Variants in TMEM132B observed in about 807,000 individuals in gnomAD.
The protein encoded by TMEM132B is transmembrane protein 132B.
TMEM132B carries 18 observed loss-of-function variants against 90.8 expected under a neutral mutation model. The observed-to-expected ratio is 0.20, with a 90% CI of 0.14 to 0.29. The LOEUF is 0.29. Ranked by LOEUF, TMEM132B falls within the 10% of genes least tolerant of loss-of-function variation. The pLI, the probability that TMEM132B is intolerant of heterozygous loss-of-function variation, is 1.00. For synonymous variants in TMEM132B, 504 were observed against 523.3 expected, an observed-to-expected ratio of 0.96 and a Z score of 0.50; for missense variants, 1,096 against 1,326.8, an observed-to-expected ratio of 0.83 and a Z score of 2.70.
At chr12:125,253,837 G>A (rs78596771) in intron 1 of TMEM132B, among the ~76,000 whole-genome samples, 3,349 of 152,196 alleles carry the variant, frequency 0.022, 106 homozygotes, top group African/African-American at 0.062. Context: ...AAGGTCACCC[G>A]GCTAAGAAGC....
At position 125,525,802 on chromosome 12, in the gene TMEM132B, C is replaced by T. The variant is rs188008553; in HGVS notation, c.1293+6177C>T. ...TTATGATCTTTGCCCACTGAGTGGC[C>T]ACATCCTTTGGTCCACTGGGTAAGG... is the stretch of plus-strand genomic sequence containing the variant. On this transcript the variant is annotated intron_variant, in intron 4 of 8. Coordinates refer to ENST00000682704, the MANE Select transcript of TMEM132B (RefSeq NM_001366854.1). Among the ~76,000 whole-genome samples, 5 of 152,252 alleles carry T rather than the reference C, an allele frequency of 3.3e-5. No homozygotes were observed. In the East Asian group the frequency reaches 7.7e-4, roughly 24 times the overall value.
At chr12:125,329,525 T>C (rs945126828) in intron 1 of TMEM132B, among the ~76,000 whole-genome samples, 12 of 152,190 alleles carry the variant, frequency 7.9e-5, no homozygotes, top group African/African-American at 2.9e-4. Context: ...CCTCCACCCT[T>C]GGGTCTGGGG....
At chr12:125,330,369 T>A (rs557539092) in intron 1 of TMEM132B, among the ~76,000 whole-genome samples, 1 of 151,502 alleles carries the variant, frequency 6.6e-6, no homozygotes, top group South Asian at 2.1e-4. Context: ...TGAAGATGAT[T>A]TTATTTATCT....
intron 1 of TMEM132B, among the ~76,000 whole-genome samples, chr12:125,265,713 T>G (rs1229460628): frequency 6.6e-6 from 1 of 152,168 alleles, no homozygotes; most frequent in Non-Finnish European, 1.5e-5. Flanking sequence ...CCAGCATAGA[T>G]GACCTTTACC....
chr12:125,649,541 G>C (rs562770493), intron 6 of TMEM132B, among the ~76,000 whole-genome samples: 36 of 152,174 alleles, frequency 2.4e-4, no homozygotes, highest in Non-Finnish European at 4.7e-4. Flanking sequence ...TTGCTCTTTG[G>C]GGGTGTGTGA....
chr12:125,306,976 G>T (rs960740439), intron 1 of TMEM132B, among the ~76,000 whole-genome samples: 1 of 152,220 alleles, frequency 6.6e-6, no homozygotes, highest in Non-Finnish European at 1.5e-5. Flanking sequence ...TCCTGCCACA[G>T]GGACTTTGCA....
chr12:125,645,260 C>T (rs1337465328), intron 6 of TMEM132B, among the ~76,000 whole-genome samples: 2 of 151,870 alleles, frequency 1.3e-5, no homozygotes, highest in African/African-American at 4.8e-5. Context: ...CCCCATGATC[C>T]CCATCTCCTG....
At chr12:125,234,548 C>T (rs538457131) in intron 1 of TMEM132B, among the ~76,000 whole-genome samples, 10 of 152,286 alleles carry the variant, frequency 6.6e-5, no homozygotes, top group Admixed American at 2.6e-4. Flanking sequence ...TGGGGCCCAA[C>T]GATCCATGTT....
At position 125,656,585 on chromosome 12, in the gene TMEM132B, C is replaced by T. The variant is rs1887066664; in HGVS notation, c.*1875C>T. The T allele has an allele frequency of 6.6e-6, 1 of 152,138 alleles. No homozygotes were observed. Among genetic ancestry groups the T allele is most frequent in the Admixed American group, 6.5e-5 (1 of 15,280 alleles). The allele number at this position is 152,138 out of a possible 1,614,324, so 9.4% of individuals were successfully genotyped here. On this transcript the variant is annotated 3_prime_UTR_variant, in exon 9 of 9. Coordinates refer to ENST00000682704, the MANE Select transcript of TMEM132B (RefSeq NM_001366854.1). Reference sequence around the variant, plus strand: ...CTTAGGAACCGAAGCTGATGAAGTTCCAAAAGTAGTTCAGTTTGATGGGAT... The same window carrying T: ...CTTAGGAACCGAAGCTGATGAAGTTTCAAAAGTAGTTCAGTTTGATGGGAT...
At chr12:125,631,827 G>T (rs1274040284) in intron 5 of TMEM132B, among the ~76,000 whole-genome samples, 1 of 151,630 alleles carries the variant, frequency 6.6e-6, no homozygotes, top group Non-Finnish European at 1.5e-5. Context: ...GGCTTCTGTT[G>T]GCATGGAATA....
intron 3 of TMEM132B, among the ~76,000 whole-genome samples, chr12:125,503,685 T>G (rs1882756012): frequency 6.6e-6 from 1 of 152,214 alleles, no homozygotes; most frequent in Non-Finnish European, 1.5e-5. Context: ...GACCATCTTA[T>G]TATATTTTTG....
At chr12:125,363,551 A>G (rs182416265) in intron 2 of TMEM132B, among the ~76,000 whole-genome samples, 30 of 152,292 alleles carry the variant, frequency 2.0e-4, no homozygotes. Flanking sequence ...CCTGAGTGAA[A>G]TAGGGTTGGT....
chr12:125,432,786 A>G (rs1880580925), intron 3 of TMEM132B, among the ~76,000 whole-genome samples: 1 of 152,088 alleles, frequency 6.6e-6, no homozygotes, highest in African/African-American at 2.4e-5. Flanking sequence ...CCTTGGTGGA[A>G]TCGGCATCTG....
At chr12:125,526,361 C>A (rs1219810290) in intron 4 of TMEM132B, among the ~76,000 whole-genome samples, 1 of 152,224 alleles carries the variant, frequency 6.6e-6, no homozygotes, top group Non-Finnish European at 1.5e-5. Flanking sequence ...TCCCTCATTT[C>A]TCCCTGGAGA....
At chr12:125,651,076 C>T (rs1886904277) in intron 7 of TMEM132B, 123 bp downstream of exon 7, 2 of 1,317,078 alleles carry the variant, frequency 1.5e-6, no homozygotes, top group African/African-American at 1.4e-5. Flanking sequence ...ACGTGTGTCA[C>T]TGTGCATGTA....
At chr12:125,330,573 T>G (rs1031967844) in intron 1 of TMEM132B, among the ~76,000 whole-genome samples, 2 of 152,210 alleles carry the variant, frequency 1.3e-5, no homozygotes, top group African/African-American at 4.8e-5. Flanking sequence ...ACTATCATTT[T>G]TTACTGTGAA....
chr12:125,304,759 A>G (rs1875917226), intron 1 of TMEM132B, among the ~76,000 whole-genome samples: 1 of 152,194 alleles, frequency 6.6e-6, no homozygotes, highest in African/African-American at 2.4e-5. Context: ...TGAGGCAGGG[A>G]GTTCAAGGCT....
rs201941395 is a variant in TMEM132B at position 125,335,334 on chromosome 12, GA to G, written c.68-14117del. 2.4e-3 allele frequency among the ~76,000 whole-genome samples: 365 copies of G among 152,230 alleles called. 2 individuals are homozygous for G. Among genetic ancestry groups the G allele is most frequent in the African/African-American group, 8.2e-3 (340 of 41,554 alleles). On this transcript the variant is annotated intron_variant, in intron 1 of 8. Coordinates refer to ENST00000682704, the MANE Select transcript of TMEM132B (RefSeq NM_001366854.1). Reference sequence around the variant, plus strand: ...ATTCCCTTGTTCTTTTTGTTGAAATGACCCCATGATGATTCTTTGGGGAACC... The same window carrying G: ...ATTCCCTTGTTCTTTTTGTTGAAATGCCCCATGATGATTCTTTGGGGAACC...
At chr12:125,409,328 T>G (rs147976736) in intron 2 of TMEM132B, among the ~76,000 whole-genome samples, 56 of 152,266 alleles carry the variant, frequency 3.7e-4, no homozygotes, top group African/African-American at 1.2e-3. Flanking sequence ...TTTTCCAAAT[T>G]GCAAATGCAG....
Sources: allele counts gnomAD v4.1 joint callset (sites outside exome capture counted in the v4.1 genomes callset), GRCh38; gene constraint gnomAD v4.1.1; transcripts MANE v1.5; gene names NCBI Gene and HGNC (gene_info 2026-07-23, HGNC 2026-07-21).